MYOM1: variants seen among roughly 807,000 people sequenced by gnomAD.
MYOM1 encodes myomesin 1.
MYOM1 carries 164 observed loss-of-function variants against 205.3 expected under a neutral mutation model. The ratio of observed to expected loss-of-function variants is 0.80; its 90% CI spans 0.70 to 0.91. The LOEUF is 0.91. MYOM1 is among the 40% of genes least tolerant of loss of function. The pLI is 0.00. For missense variants in MYOM1, 2,011 were observed against 2,127.3 expected, an observed-to-expected ratio of 0.95 and a Z score of 1.08; for synonymous variants, 772 against 789.4, an observed-to-expected ratio of 0.98 and a Z score of 0.37.
chr18:3,113,226 A>G (rs529182492), intron 21 of MYOM1, among the ~76,000 whole-genome samples: 1 of 149,572 alleles, frequency 6.7e-6, no homozygotes, highest in South Asian at 2.1e-4. Flanking sequence ...ATATACACAC[A>G]TGTATATATA....
At chr18:3,234,687 A>C in the MYOM1 span, among the ~76,000 whole-genome samples, 5 of 152,142 alleles carry the variant, frequency 3.3e-5, no homozygotes, top group African/African-American at 1.2e-4. Flanking sequence ...CACGGTTGCT[A>C]CAGGAAAGCA....
chr18:3,187,323 T>C (rs776317219), intron 5 of MYOM1, among the ~76,000 whole-genome samples, 157 bp downstream of exon 5: 5 of 152,224 alleles, frequency 3.3e-5, no homozygotes, highest in Non-Finnish European at 5.9e-5. Flanking sequence ...GCATACAAAT[T>C]CATCTCAATG....
At chr18:3,238,869 TC>T in the MYOM1 span, among the ~76,000 whole-genome samples, 1 of 152,204 alleles carries the variant, frequency 6.6e-6, no homozygotes, top group Non-Finnish European at 1.5e-5. Context: ...CAACATTGTA[TC>T]TCTTTGACCC....
chr18:3,190,497 G>A lies in MYOM1; in HGVS notation c.432-1410C>T, dbSNP rs73940117. On this transcript the variant is annotated intron_variant, in intron 3 of 37. Coordinates refer to ENST00000356443, the MANE Select transcript of MYOM1 (RefSeq NM_003803.4). Reference sequence around the variant, plus strand: ...CATCTGGCAGACGAGATGAGTCCACGTTGTTTCTGACTAAATGTAGTGAGT... The same window carrying A: ...CATCTGGCAGACGAGATGAGTCCACATTGTTTCTGACTAAATGTAGTGAGT... The A allele has an allele frequency of 5.3e-3, 806 of 152,246 alleles. 8 individuals are homozygous for A. The highest frequency in any genetic ancestry group is 0.018 in the African/African-American group (766 of 41,538). The allele number at this position is 152,246 out of a possible 1,614,324, so 9.4% of individuals were successfully genotyped here.
intron 22 of MYOM1, among the ~76,000 whole-genome samples, chr18:3,105,575 C>T (rs1488082294): frequency 6.6e-6 from 1 of 152,128 alleles, no homozygotes; most frequent in African/African-American, 2.4e-5. Context: ...AAAATCCTGG[C>T]CAGGCATGGT....
chr18:3,121,600 A>G (rs909146453), intron 19 of MYOM1, among the ~76,000 whole-genome samples: 3 of 152,196 alleles, frequency 2.0e-5, no homozygotes, highest in African/African-American at 7.2e-5. Flanking sequence ...AGACACATAC[A>G]TACACAATAG....
rs2144258254 is a variant in MYOM1 at position 3,214,865 on chromosome 18, C to G, written c.290+69G>C. On this transcript the variant is annotated intron_variant, in intron 2 of 37. Transcript: ENST00000356443. ...CGAACCGAAACAAAGCGAGAAGTAA[C>G]TGGGAGGGTTACTCAGAGCACACGC... is the stretch of plus-strand genomic sequence containing the variant. The G allele has an allele frequency of 2.7e-6, 4 of 1,478,064 alleles. No homozygotes were observed. The East Asian group carries it at 9.2e-5, about 34-fold the overall frequency. 91.6% of individuals were successfully genotyped at this position (1,478,064 alleles called of 1,614,324 possible). A position where few individuals can be genotyped will look rare whatever the true frequency, so the allele number is the denominator to read the frequency against.
intron 2 of MYOM1, 113 bp downstream of exon 2, chr18:3,214,821 T>A: frequency 8.3e-7 from 1 of 1,206,452 alleles, no homozygotes; most frequent in Non-Finnish European, 1.1e-6. Flanking sequence ...AGCGAAACTC[T>A]GTCTCAAAAA....
intron 16 of MYOM1, among the ~76,000 whole-genome samples, chr18:3,133,735 T>C (rs1374541770): frequency 6.6e-6 from 1 of 152,220 alleles, no homozygotes; most frequent in Non-Finnish European, 1.5e-5. Flanking sequence ...AAATGAACTC[T>C]TACAATAGTT....
At chr18:3,137,464 A>G (rs2079987175) in intron 14 of MYOM1, among the ~76,000 whole-genome samples, 1 of 152,246 alleles carries the variant, frequency 6.6e-6, no homozygotes, top group South Asian at 2.1e-4. Flanking sequence ...TGTGGTAAAT[A>G]TGCACAATGT....
chr18:3,129,520 C>G lies in MYOM1; in HGVS notation c.2507-1G>C. ...CACACATCTGGAGACACTCCTCCCC[C>G]TACAGTTGCCAGACAACAACAGAAA... On this transcript the variant is annotated splice_acceptor_variant, in intron 17 of 37. Transcript: ENST00000356443. LOFTEE classifies it high-confidence loss of function. 6.2e-7 allele frequency: 1 copy of G among 1,604,272 alleles called. No individual in the cohort carries two copies. The highest frequency in any genetic ancestry group is 8.5e-7 in the Non-Finnish European group (1 of 1,174,194).
chr18:3,146,913 T>G (rs2080130885), intron 13 of MYOM1, among the ~76,000 whole-genome samples: 1 of 151,494 alleles, frequency 6.6e-6, no homozygotes, highest in African/African-American at 2.4e-5. Flanking sequence ...AATTAATAAA[T>G]TAGTTCAGCA....
At chr18:3,208,133 C>T (rs2081148400) in intron 2 of MYOM1, among the ~76,000 whole-genome samples, 1 of 152,168 alleles carries the variant, frequency 6.6e-6, no homozygotes, top group African/African-American at 2.4e-5. Flanking sequence ...CCTGTGTTTA[C>T]AGCTGAGGAA....
At chr18:3,100,290 G>C in intron 24 of MYOM1, 30 bp downstream of exon 24, 7 of 1,610,546 alleles carry the variant, frequency 4.3e-6, no homozygotes, top group Non-Finnish European at 5.9e-6. Flanking sequence ...AGCAACATTC[G>C]ATGTGTGAAT....
At chr18:3,136,173 T>A (rs1368495089) in intron 14 of MYOM1, among the ~76,000 whole-genome samples, 1 of 152,134 alleles carries the variant, frequency 6.6e-6, no homozygotes, top group Non-Finnish European at 1.5e-5. Context: ...CCACCATGAT[T>A]GTGAGGCCTC....
intron 19 of MYOM1, among the ~76,000 whole-genome samples, chr18:3,120,577 G>A (rs1567916633): frequency 6.6e-6 from 1 of 152,292 alleles, no homozygotes; most frequent in East Asian, 1.9e-4. Flanking sequence ...AGCCCTGTGA[G>A]ATCCTGAACA....
chr18:3,104,086 A>G (rs934964750), intron 22 of MYOM1, among the ~76,000 whole-genome samples: 4 of 152,328 alleles, frequency 2.6e-5, no homozygotes, highest in African/African-American at 9.6e-5. Flanking sequence ...TATGTATTCC[A>G]TTGTAAGTTG....
intron 5 of MYOM1, 63 bp from the exon 6 acceptor site, chr18:3,176,197 A>ACG (rs2080638436): frequency 2.1e-6 from 2 of 940,572 alleles, no homozygotes; most frequent in Non-Finnish European, 3.4e-6. Flanking sequence ...GATTAAACAC[A>ACG]CACACAATTC....
At chr18:3,188,342 T>C (rs994679771) in intron 4 of MYOM1, among the ~76,000 whole-genome samples, 3 of 151,964 alleles carry the variant, frequency 2.0e-5, no homozygotes, top group African/African-American at 7.2e-5. Flanking sequence ...ATCAGCTGGG[T>C]GCAGTGGCTC....
Sources: gnomAD v4.1 joint callset for allele counts (sites outside exome capture counted in the v4.1 genomes callset) on GRCh38, gnomAD v4.1.1 for gene constraint, MANE v1.5 for transcripts, NCBI Gene and HGNC (gene_info 2026-07-23, HGNC 2026-07-21) for gene names.